DLGAP1: variants seen among roughly 807,000 people sequenced by gnomAD.
The protein encoded by DLGAP1 is disks large-associated protein 1.
DLGAP1 carries 11 observed loss-of-function variants against 90.8 expected under a neutral mutation model. That is an observed-to-expected ratio of 0.12 (90% CI 0.08 to 0.20). DLGAP1 has a LOEUF of 0.20. Among genes scored for constraint, DLGAP1 ranks in the 10% least tolerant of loss-of-function variants. The pLI, the probability that DLGAP1 is intolerant of heterozygous loss-of-function variation, is 1.00. For synonymous variants in DLGAP1, 558 were observed against 540.7 expected, an observed-to-expected ratio of 1.03 and a Z score of -0.44; for missense variants, 1,050 against 1,333.8, an observed-to-expected ratio of 0.79 and a Z score of 3.31.
chr18:3,546,914 A>C (rs2053062980), intron 9 of DLGAP1, among the ~76,000 whole-genome samples: 1 of 152,146 alleles, frequency 6.6e-6, no homozygotes, highest in Non-Finnish European at 1.5e-5. Flanking sequence ...CAGAAGAATA[A>C]AGAAATAAAA....
intron 5 of DLGAP1, among the ~76,000 whole-genome samples, chr18:3,762,806 T>C (rs2064030105): frequency 6.6e-6 from 1 of 152,206 alleles, no homozygotes. Flanking sequence ...TATGTCAACA[T>C]TTCCAGGCTC....
At chr18:3,606,129 C>G (rs1050003741) in intron 7 of DLGAP1, among the ~76,000 whole-genome samples, 5 of 152,172 alleles carry the variant, frequency 3.3e-5, no homozygotes, top group South Asian at 2.1e-4. Flanking sequence ...TTTGTAGAGG[C>G]CATTCCTCAG....
chr18:3,744,801 C>A (rs1215701463), intron 5 of DLGAP1, among the ~76,000 whole-genome samples: 1 of 152,194 alleles, frequency 6.6e-6, no homozygotes, highest in Non-Finnish European at 1.5e-5. Context: ...CCACCTTGGC[C>A]TCCCAAAGTG....
chr18:3,628,073 A>G (rs1252132516), intron 7 of DLGAP1, among the ~76,000 whole-genome samples: 1 of 150,404 alleles, frequency 6.6e-6, no homozygotes, highest in Non-Finnish European at 1.5e-5. Context: ...ATGGGCTTTC[A>G]CTATGTTGGC....
At chr18:4,214,998 T>A (rs1274517639) in intron 1 of DLGAP1, among the ~76,000 whole-genome samples, 1 of 152,148 alleles carries the variant, frequency 6.6e-6, no homozygotes, top group African/African-American at 2.4e-5. Context: ...AGGAAAGAGA[T>A]AAAGAGTTCA....
Position 4,336,029 on chromosome 18 carries a change from A to T in DLGAP1, c.-267+118977T>A, listed in dbSNP as rs528107911. Among the ~76,000 whole-genome samples, 6 of 152,328 alleles carry T rather than the reference A, an allele frequency of 3.9e-5. No homozygotes were observed. In the East Asian group the frequency reaches 1.2e-3, roughly 29 times the overall value. ...TATATCAAAATACAAGCTTCAGTTTATCACACAAGAAGCAGCAAAATGCAC... is the reference window on the plus strand; with the variant it reads ...TATATCAAAATACAAGCTTCAGTTTTTCACACAAGAAGCAGCAAAATGCAC... On this transcript the variant is annotated intron_variant, in intron 1 of 12. Coordinates refer to ENST00000315677, the MANE Select transcript of DLGAP1 (RefSeq NM_004746.4).
At position 4,014,359 on chromosome 18, in the gene DLGAP1, A is replaced by G. The variant is rs569333165; in HGVS notation, c.-158-9158T>C. On this transcript the variant is annotated intron_variant, in intron 2 of 12. Transcript: ENST00000315677. ...CGGCCTACTTAGCCAACTTTTAAGGACAAGTCCAGCCATCCTTATCCTTCA... is the reference window on the plus strand; with the variant it reads ...CGGCCTACTTAGCCAACTTTTAAGGGCAAGTCCAGCCATCCTTATCCTTCA... Among the ~76,000 whole-genome samples the G allele has an allele frequency of 2.2e-4, 33 of 152,284 alleles. 1 individual carries two copies. In the Middle Eastern group the frequency reaches 0.014, roughly 63 times the overall value.
chr18:4,422,881 A>T (rs552778225), intron 1 of DLGAP1, among the ~76,000 whole-genome samples: 1 of 152,232 alleles, frequency 6.6e-6, no homozygotes, highest in South Asian at 2.1e-4. Context: ...CTGGTAAAGT[A>T]AATGAGACCA....
intron 1 of DLGAP1, among the ~76,000 whole-genome samples, chr18:4,309,843 A>C (rs1598871464): frequency 6.6e-6 from 1 of 152,210 alleles, no homozygotes; most frequent in Non-Finnish European, 1.5e-5. Context: ...AAGGCTCCAC[A>C]GGCTTTTTGA....
intron 1 of DLGAP1, among the ~76,000 whole-genome samples, chr18:4,350,332 CGATT>C (rs1005216805): frequency 4.6e-5 from 7 of 152,046 alleles, no homozygotes; most frequent in Non-Finnish European, 1.0e-4. Context: ...GTACCAAAAC[CGATT>C]GTTTTTAAAG....
rs767021069 is a variant in DLGAP1, at chr18:3,561,828, G to A, written c.2057+5662C>T. Among the ~76,000 whole-genome samples the A allele has an allele frequency of 1.5e-4, 22 of 150,722 alleles. 1 individual carries two copies. Among genetic ancestry groups the A allele is most frequent in the African/African-American group, 2.2e-4 (9 of 40,104 alleles). On this transcript the variant is annotated intron_variant, in intron 9 of 12. Coordinates refer to ENST00000315677, the MANE Select transcript of DLGAP1 (RefSeq NM_004746.4). ...CTGATAAAGACATACCTGATACTGC[G>A]CAATTTACAAAAGAAAGAGGTTTAT...
chr18:3,659,873 A>G (rs1326603454), intron 7 of DLGAP1, among the ~76,000 whole-genome samples: 13 of 151,772 alleles, frequency 8.6e-5, no homozygotes, highest in Admixed American at 7.9e-4. Context: ...CTATTTCCCT[A>G]TTTCTTCTAC....
intron 7 of DLGAP1, among the ~76,000 whole-genome samples, chr18:3,638,763 C>T (rs2058815892): frequency 6.6e-6 from 1 of 152,156 alleles, no homozygotes; most frequent in Non-Finnish European, 1.5e-5. Flanking sequence ...TTTTTAACAT[C>T]AGGCAAACAT....
rs1229871775 is a variant in DLGAP1 at position 3,653,511 on chromosome 18, G to A, written c.1592-71263C>T. The A allele has an allele frequency of 6.6e-6, 1 of 152,084 alleles. No individual in the cohort carries two copies. Among genetic ancestry groups the A allele is most frequent in the African/African-American group, 2.4e-5 (1 of 41,400 alleles). 9.4% of individuals were successfully genotyped at this position (152,084 alleles called of 1,614,324 possible). On this transcript the variant is annotated intron_variant, in intron 7 of 12. Coordinates refer to ENST00000315677, the MANE Select transcript of DLGAP1 (RefSeq NM_004746.4). The surrounding 1 kb of genome is among the most constrained non-coding windows in gnomAD (Gnocchi z 4.6). Reference sequence around the variant, plus strand: ...CTTAGCATTCATGAGACACAAAATGGGTTTTTCTTTTTGCTGATTTAAAAA... The same window carrying A: ...CTTAGCATTCATGAGACACAAAATGAGTTTTTCTTTTTGCTGATTTAAAAA...
rs559793572 is a variant in DLGAP1, at chr18:4,428,123, G to T, written c.-267+26883C>A. On this transcript the variant is annotated intron_variant, in intron 1 of 12. Coordinates refer to ENST00000315677, the MANE Select transcript of DLGAP1 (RefSeq NM_004746.4). ...GCTGCTTGATACAGTTTAAATCTGG[G>T]TCCCCCCCTCAAATCTCATGTCAAA... is the stretch of plus-strand genomic sequence containing the variant. Among the ~76,000 whole-genome samples, 7 of 152,232 alleles carry T rather than the reference G, an allele frequency of 4.6e-5. No individual in the cohort carries two copies. The South Asian group carries it at 1.5e-3, about 32-fold the overall frequency.
chr18:3,950,278 C>T (rs1009555256), intron 3 of DLGAP1, among the ~76,000 whole-genome samples: 1 of 152,192 alleles, frequency 6.6e-6, no homozygotes, highest in African/African-American at 2.4e-5. Flanking sequence ...TATGTTCACA[C>T]ACATATACTT....
intron 1 of DLGAP1, among the ~76,000 whole-genome samples, chr18:4,373,329 AG>A (rs1418668030): frequency 1.3e-5 from 2 of 152,230 alleles, no homozygotes; most frequent in African/African-American, 4.8e-5. Context: ...GAGATATTAA[AG>A]AAGCAGAATC....
chr18:4,042,116 C>G (rs552063116), intron 2 of DLGAP1, among the ~76,000 whole-genome samples: 54 of 152,152 alleles, frequency 3.5e-4, no homozygotes, highest in African/African-American at 1.3e-3. Context: ...ATTGATGTGC[C>G]ACATTTCATT....
intron 3 of DLGAP1, among the ~76,000 whole-genome samples, chr18:3,972,773 G>A (rs1484721245): frequency 6.6e-6 from 1 of 152,178 alleles, no homozygotes; most frequent in East Asian, 1.9e-4. Flanking sequence ...GGAGGTTTGG[G>A]CAAATCACAC....
Sources: allele counts gnomAD v4.1 joint callset (sites outside exome capture counted in the v4.1 genomes callset), GRCh38; gene constraint gnomAD v4.1.1; non-coding constraint Gnocchi (gnomAD v3.1); transcripts MANE v1.5; gene names NCBI Gene and HGNC (gene_info 2026-07-23, HGNC 2026-07-21).